CES4A: variants seen among roughly 807,000 people sequenced by gnomAD.
CES4A encodes the protein carboxylesterase 4A.
CES4A carries 48 observed loss-of-function variants against 65.4 expected under a neutral mutation model. The ratio of observed to expected loss-of-function variants is 0.73; its 90% CI spans 0.58 to 0.93. The LOEUF is 0.93. CES4A is among the 40% of genes least tolerant of loss of function. CES4A has a pLI of 0.00. For synonymous variants in CES4A, 247 were observed against 281.8 expected (o/e 0.88, Z 1.24); for missense variants, 685 against 728.5 (o/e 0.94, Z 0.69).
chr16:67,009,999 C>G (rs1478432227), downstream of CES4A, among the ~76,000 whole-genome samples: 1 of 151,838 alleles, frequency 6.6e-6, no homozygotes, highest in Non-Finnish European at 1.5e-5. Context: ...CTAGATTCCT[C>G]TGGCCTCTCC....
At chr16:66,999,782 C>T (rs1192437106) in intron 2 of CES4A, among the ~76,000 whole-genome samples, 1 of 152,180 alleles carries the variant, frequency 6.6e-6, no homozygotes, top group African/African-American at 2.4e-5. Flanking sequence ...GCCTGGGCAA[C>T]AGAGCAAGAC....
At chr16:67,007,819 C>G (rs1351122632) in intron 13 of CES4A, 1 of 151,250 alleles carries the variant, frequency 6.6e-6, no homozygotes, top group Non-Finnish European at 1.5e-5. Context: ...GAGTCTCGCT[C>G]TGTCACCCAG....
At chr16:66,995,905 C>A in intron 2 of CES4A, 76 bp downstream of exon 2, 1 of 1,366,932 alleles carries the variant, frequency 7.3e-7, no homozygotes, top group Non-Finnish European at 1.0e-6. Context: ...TTGCACAGCT[C>A]ACTGAGAAGA....
chr16:67,004,815 G>A lies in CES4A; in HGVS notation c.1103G>A (p.Arg368Gln), dbSNP rs766441780. ...CAGATCATGAAGTTCCCGCTAAACC[G>A]GCAGGCGATGAGAAAGGAAACCATC... Residue 368 changes from arginine to glutamine, a missense_variant, in exon 10 of 14, where the codon CGG becomes CAG. Transcript: ENST00000648724. 33 of 1,535,944 alleles carry A rather than the reference G, an allele frequency of 2.1e-5. No homozygotes were observed. In the South Asian group the frequency reaches 2.6e-4, roughly 12 times the overall value.
At position 67,003,077 on chromosome 16, in the gene CES4A, C is replaced by CTGCAAGAG; in HGVS notation, c.698_699insTGCAAGAG (p.Pro234AlafsTer5). 5 of 1,613,904 alleles carry CTGCAAGAG rather than the reference C, an allele frequency of 3.1e-6. No individual in the cohort carries two copies. The highest frequency in any genetic ancestry group is 3.4e-6 in the Non-Finnish European group (4 of 1,179,802). ...TCCTCCCTGTTCTTGCAGATGATGT[C>CTGCAAGAG]ACCCCTAGCCTCGGGTCTCTTCCAT... On this transcript the variant is annotated frameshift_variant, in exon 6 of 14. Transcript: ENST00000648724. LOFTEE classifies it high-confidence loss of function. The surrounding 1 kb of genome is among the most constrained non-coding windows in gnomAD (Gnocchi z 4.2).
rs962619020 is a variant in CES4A, at chr16:67,003,855, G to T, written c.940-229G>T. On this transcript the variant is annotated intron_variant, in intron 8 of 13. Coordinates refer to ENST00000648724, the Ensembl canonical transcript of CES4A. This position sits in a 1 kb window ranked among gnomAD's most constrained non-coding sequence, Gnocchi z 4.2. ...AATTTAGCAAAGATTTTCAAGAGGTGAAGGAGTGAGCTATACAGATACCCG... is the reference window on the plus strand; with the variant it reads ...AATTTAGCAAAGATTTTCAAGAGGTTAAGGAGTGAGCTATACAGATACCCG... Among the ~76,000 whole-genome samples, 1 of 152,154 alleles carries T rather than the reference G, an allele frequency of 6.6e-6. No individual in the cohort carries two copies. The highest frequency in any genetic ancestry group is 1.5e-5 in the Non-Finnish European group (1 of 68,038).
chr16:67,006,278 C>T, intron 11 of CES4A, 113 bp from the exon 12 acceptor site: 1 of 1,195,664 alleles, frequency 8.4e-7, no homozygotes, highest in Non-Finnish European at 1.2e-6. Flanking sequence ...CCCCTTGATT[C>T]TGAAGCCAAA....
intron 1 of CES4A, among the ~76,000 whole-genome samples, chr16:66,989,236 G>A (rs994596792): frequency 2.0e-5 from 3 of 151,896 alleles, no homozygotes; most frequent in African/African-American, 7.3e-5. Context: ...TTTAAAATGA[G>A]TACTACACTT....
exon 14 of CES4A, chr16:67,009,067 G>A (rs1228457522): frequency 6.2e-7 from 1 of 1,614,246 alleles, no homozygotes; most frequent in Non-Finnish European, 8.5e-7. Flanking sequence ...TGGGCATGAA[G>A]CTCAAGGAGA....
At chr16:67,004,137 T>C in exon 9 of CES4A, 1 of 1,614,122 alleles carries the variant, frequency 6.2e-7, no homozygotes, top group South Asian at 1.1e-5. Flanking sequence ...CAGATGACCC[T>C]TTGGTGCTCC....
chr16:67,006,748 T>C, exon 13 of CES4A: 1 of 1,614,092 alleles, frequency 6.2e-7, no homozygotes, highest in Non-Finnish European at 8.5e-7. Context: ...CCCCCAGGCC[T>C]TTCCATGGGT....
At chr16:67,006,435 C>G in exon 12 of CES4A, 1 of 1,536,550 alleles carries the variant, frequency 6.5e-7, no homozygotes, top group Non-Finnish European at 8.7e-7. Flanking sequence ...GCACCACGCT[C>G]GTGGAATAAT....
At position 67,006,456 on chromosome 16, in the gene CES4A, C is replaced by T. The variant is rs761861428; in HGVS notation, c.1381C>T (p.Arg461Cys). The T allele has an allele frequency of 8.7e-5, 133 of 1,536,462 alleles. 1 individual carries two copies. The highest frequency in any genetic ancestry group is 1.1e-4 in the Non-Finnish European group (129 of 1,146,982). Residue 461 changes from arginine to cysteine, a missense_variant, in exon 12 of 14, where the codon CGC becomes TGC. Coordinates refer to ENST00000648724, the Ensembl canonical transcript of CES4A. ...CGCTCGTGGAATAATCGTCAAACCC[C>T]GCACTGATGGGGCAGACCATGGGGA...
chr16:67,008,265 T>C (rs1965924329), intron 13 of CES4A: 1 of 152,168 alleles, frequency 6.6e-6, no homozygotes, highest in African/African-American at 2.4e-5. Flanking sequence ...CACTCTCCTG[T>C]TTAAAACTCT....
In CES4A at chr16:67,001,255, C is replaced by A; in HGVS notation, c.537-53C>A. The A allele has an allele frequency of 2.6e-6, 4 of 1,521,894 alleles. No homozygotes were observed. The highest frequency in any genetic ancestry group is 2.6e-6 in the Non-Finnish European group (3 of 1,138,262). The allele number at this position is 1,521,894 out of a possible 1,614,324, so 94.3% of individuals were successfully genotyped here. On this transcript the variant is annotated intron_variant, in intron 4 of 13. Coordinates refer to ENST00000648724, the Ensembl canonical transcript of CES4A. This position sits in a 1 kb window ranked among gnomAD's most constrained non-coding sequence, Gnocchi z 4.1. The stretch of plus-strand genomic sequence containing the variant: ...GGGGAAGCCCAGGAGGGCAGCCCAA[C>A]GCGCCCCGACTGTCGAGGCCCGGGA...
At chr16:66,992,247 G>A (rs1418398534) in intron 1 of CES4A, among the ~76,000 whole-genome samples, 1 of 152,232 alleles carries the variant, frequency 6.6e-6, no homozygotes, top group Non-Finnish European at 1.5e-5. Flanking sequence ...GCACAAACGG[G>A]AGATTTGAGC....
At chr16:66,993,130 G>T (rs1449294148) in intron 1 of CES4A, among the ~76,000 whole-genome samples, 1 of 152,200 alleles carries the variant, frequency 6.6e-6, no homozygotes, top group East Asian at 1.9e-4. Context: ...GTATCCACGG[G>T]AAGTCGGATT....
intron 12 of CES4A, 25 bp downstream of exon 12, chr16:67,006,544 C>T: frequency 1.3e-6 from 2 of 1,542,632 alleles, no homozygotes; most frequent in Non-Finnish European, 8.7e-7. Context: ...CCTGATACCC[C>T]AACTGGGTGT....
chr16:67,001,241 G>A lies in CES4A; in HGVS notation c.537-67G>A. On this transcript the variant is annotated intron_variant, in intron 4 of 13. Transcript: ENST00000648724. This position sits in a 1 kb window ranked among gnomAD's most constrained non-coding sequence, Gnocchi z 4.1. ...GGCTGGGCTGGGTGGGGGAAGCCCA[G>A]GAGGGCAGCCCAACGCGCCCCGACT... 2 of 1,497,342 alleles carry A rather than the reference G, an allele frequency of 1.3e-6. No homozygotes were observed. Among genetic ancestry groups the A allele is most frequent in the Non-Finnish European group, 1.8e-6 (2 of 1,125,394 alleles). 92.8% of individuals were successfully genotyped at this position (1,497,342 alleles called of 1,614,324 possible).
Sources: allele counts gnomAD v4.1 joint callset (sites outside exome capture counted in the v4.1 genomes callset), GRCh38; gene constraint gnomAD v4.1.1; non-coding constraint Gnocchi (gnomAD v3.1); transcripts MANE v1.5; gene names NCBI Gene and HGNC (gene_info 2026-07-23, HGNC 2026-07-21).